The following ZDHHC14 variants were observed in gnomAD, a reference collection of about 807,000 sequenced individuals.
ZDHHC14 encodes the protein zDHHC palmitoyltransferase 14.
ZDHHC14 carries 16 observed loss-of-function variants against 47.7 expected under a neutral mutation model. That is an observed-to-expected ratio of 0.34 (90% CI 0.23 to 0.51). The LOEUF is 0.51. Among genes scored for constraint, ZDHHC14 ranks in the 20% least tolerant of loss-of-function variants. The probability of loss-of-function intolerance (pLI) is 0.97; values close to 1 mark genes in which losing one functional copy is unlikely to be tolerated. For synonymous variants in ZDHHC14, 293 were observed against 278.9 expected, an observed-to-expected ratio of 1.05 and a Z score of -0.50; for missense variants, 515 against 662.5, an observed-to-expected ratio of 0.78 and a Z score of 2.44.
chr6:157,673,200 G>A lies in ZDHHC14; in HGVS notation c.*78G>A, dbSNP rs1430953413. The A allele has an allele frequency of 3.4e-6, 5 of 1,458,208 alleles. No homozygotes were observed. Among genetic ancestry groups the A allele is most frequent in the Non-Finnish European group, 4.5e-6 (5 of 1,112,826 alleles). 90.3% of individuals were successfully genotyped at this position (1,458,208 alleles called of 1,614,324 possible). On this transcript the variant is annotated 3_prime_UTR_variant, in exon 9 of 9. Transcript: ENST00000359775. This position sits in a 1 kb window ranked among gnomAD's most constrained non-coding sequence, Gnocchi z 5.4. Reference sequence around the variant, plus strand: ...AGTGAGCGGAGGGGTGTGTCCCACAGCGACTTTCCCAGCCAATGCCACGGT... The same window carrying A: ...AGTGAGCGGAGGGGTGTGTCCCACAACGACTTTCCCAGCCAATGCCACGGT...
intron 8 of ZDHHC14, among the ~76,000 whole-genome samples, chr6:157,666,798 G>T (rs540972979): frequency 6.6e-6 from 1 of 152,224 alleles, no homozygotes; most frequent in Non-Finnish European, 1.5e-5. Flanking sequence ...AGAATCTGCA[G>T]AAACAGGAAT....
intron 3 of ZDHHC14, among the ~76,000 whole-genome samples, chr6:157,605,463 C>G (rs977164188): frequency 6.6e-6 from 1 of 152,104 alleles, no homozygotes; most frequent in Non-Finnish European, 1.5e-5. Context: ...TGGATTCTTA[C>G]ATTTGGAGGA....
chr6:157,647,480 A>G (rs936596872), intron 7 of ZDHHC14, 112 bp downstream of exon 7: 2 of 686,586 alleles, frequency 2.9e-6, no homozygotes, highest in Non-Finnish European at 2.5e-6. Flanking sequence ...CCACGTGACC[A>G]CTTTGTGCCG....
chr6:157,642,066 A>ATAGT (rs201660327), intron 5 of ZDHHC14, among the ~76,000 whole-genome samples: 14,277 of 147,542 alleles, frequency 0.097, 771 homozygotes, highest in East Asian at 0.23. Context: ...AGATAGATAG[A>ATAGT]TAGTTATCAT....
At chr6:157,529,388 T>C (rs1781286018) in intron 1 of ZDHHC14, among the ~76,000 whole-genome samples, 1 of 152,224 alleles carries the variant, frequency 6.6e-6, no homozygotes, top group South Asian at 2.1e-4. Context: ...TTAGTATACA[T>C]GTATTTTGCA....
chr6:157,511,471 C>T (rs915437520), intron 1 of ZDHHC14, among the ~76,000 whole-genome samples: 2 of 151,426 alleles, frequency 1.3e-5, no homozygotes, highest in Non-Finnish European at 2.9e-5. Flanking sequence ...ACCTCCGCCT[C>T]CCGGGTTCAA....
chr6:157,662,576 C>G (rs1778392607), intron 8 of ZDHHC14, among the ~76,000 whole-genome samples: 1 of 152,262 alleles, frequency 6.6e-6, no homozygotes, highest in Non-Finnish European at 1.5e-5. Flanking sequence ...TTAATTTGTT[C>G]CAACTTCTTT....
In ZDHHC14 at chr6:157,468,245, C is replaced by A. The variant is rs952664987; in HGVS notation, c.246-74340C>A. On this transcript the variant is annotated intron_variant, in intron 1 of 8. Coordinates refer to ENST00000359775, the MANE Select transcript of ZDHHC14 (RefSeq NM_024630.3). ...TTTGGCTTCCATCAGCCCCTCTGAC[C>A]TAATTCGTCTAGGAAATCATCAATG... Among the ~76,000 whole-genome samples, 3 of 152,138 alleles carry A rather than the reference C, an allele frequency of 2.0e-5. No homozygotes were observed. In the East Asian group the frequency reaches 5.8e-4, roughly 29 times the overall value.
intron 1 of ZDHHC14, among the ~76,000 whole-genome samples, chr6:157,389,142 A>G (rs2800439): frequency 0.83 from 126,640 of 152,108 alleles, 52,858 homozygotes; most frequent in Middle Eastern, 0.93. Flanking sequence ...TCATGAATCC[A>G]TGTAATTCTG....
At chr6:157,524,776 G>A (rs1562461872) in intron 1 of ZDHHC14, among the ~76,000 whole-genome samples, 1 of 152,150 alleles carries the variant, frequency 6.6e-6, no homozygotes, top group Non-Finnish European at 1.5e-5. Flanking sequence ...AAGAATATTC[G>A]GGATTTATTC....
chr6:157,434,132 A>G (rs1330645638), intron 1 of ZDHHC14, among the ~76,000 whole-genome samples: 3 of 152,134 alleles, frequency 2.0e-5, no homozygotes, highest in Non-Finnish European at 4.4e-5. Flanking sequence ...CAACAAAAAG[A>G]AAATAGAGAA....
intron 8 of ZDHHC14, among the ~76,000 whole-genome samples, chr6:157,670,780 T>C (rs976506092): frequency 9.2e-5 from 14 of 152,318 alleles, no homozygotes; most frequent in African/African-American, 3.1e-4. Flanking sequence ...GCCCTCTTCA[T>C]AGCTCCACTA....
At chr6:157,579,228 C>T (rs1210382059) in intron 2 of ZDHHC14, among the ~76,000 whole-genome samples, 1 of 108,668 alleles carries the variant, frequency 9.2e-6, no homozygotes, top group Non-Finnish European at 1.7e-5. Context: ...GATGGAGTCT[C>T]ACTCTGTCGC....
chr6:157,508,707 T>TA (rs1483234023), intron 1 of ZDHHC14, among the ~76,000 whole-genome samples: 1 of 152,046 alleles, frequency 6.6e-6, no homozygotes, highest in Non-Finnish European at 1.5e-5. Flanking sequence ...TTAATTTTCT[T>TA]AGCTTTTGTA....
intron 1 of ZDHHC14, among the ~76,000 whole-genome samples, chr6:157,495,228 C>T (rs879336150): frequency 4.0e-5 from 6 of 151,852 alleles, no homozygotes; most frequent in Admixed American, 3.3e-4. Context: ...TTTAAATAAG[C>T]TATAATTTTG....
At chr6:157,541,790 C>T (rs1264322326) in intron 1 of ZDHHC14, among the ~76,000 whole-genome samples, 2 of 55,620 alleles carry the variant, frequency 3.6e-5, no homozygotes, top group African/African-American at 5.7e-5. Flanking sequence ...CCCAGGCTGG[C>T]TCGTGTAGAG....
At chr6:157,584,213 C>G (rs902445437) in intron 2 of ZDHHC14, among the ~76,000 whole-genome samples, 1 of 152,136 alleles carries the variant, frequency 6.6e-6, no homozygotes, top group Non-Finnish European at 1.5e-5. Context: ...GGCAGGGAGG[C>G]TGCACTGCTG....
intron 8 of ZDHHC14, among the ~76,000 whole-genome samples, chr6:157,671,414 C>T (rs1430477489): frequency 6.6e-6 from 1 of 152,176 alleles, no homozygotes; most frequent in Non-Finnish European, 1.5e-5. Flanking sequence ...AGCTTGAGCA[C>T]AGAGTCCCGA....
chr6:157,460,405 G>GA (rs1164382844), intron 1 of ZDHHC14, among the ~76,000 whole-genome samples: 5,035 of 43,374 alleles, frequency 0.12, 967 homozygotes, highest in Non-Finnish European at 0.15. Flanking sequence ...TCTCTCTCTG[G>GA]AAAAAAAAAA....
Sources: gnomAD v4.1 joint callset for allele counts (sites outside exome capture counted in the v4.1 genomes callset) on GRCh38, gnomAD v4.1.1 for gene constraint, Gnocchi (gnomAD v3.1) non-coding constraint, MANE v1.5 for transcripts, NCBI Gene and HGNC (gene_info 2026-07-23, HGNC 2026-07-21) for gene names.